SLC37A1: variants seen among roughly 807,000 people sequenced by gnomAD.
SLC37A1 encodes glucose-6-phosphate exchanger SLC37A1.
SLC37A1 carries 49 observed loss-of-function variants against 75.3 expected under a neutral mutation model. The ratio of observed to expected loss-of-function variants is 0.65; its 90% CI spans 0.52 to 0.83. The LOEUF (loss-of-function observed/expected upper bound fraction) is 0.83. Among genes scored for constraint, SLC37A1 ranks in the 40% least tolerant of loss-of-function variants. The pLI is 0.00. For synonymous variants in SLC37A1, 268 were observed against 292.1 expected, an observed-to-expected ratio of 0.92 and a Z score of 0.84; for missense variants, 566 against 695.0, an observed-to-expected ratio of 0.81 and a Z score of 2.09.
intron 2 of SLC37A1, among the ~76,000 whole-genome samples, chr21:42,523,641 T>C (rs1021735444): frequency 1.3e-5 from 2 of 152,266 alleles, no homozygotes; most frequent in African/African-American, 4.8e-5. Context: ...GGATAAATGA[T>C]AGGCTCGCCT....
rs973805514 is a variant in SLC37A1 at position 42,547,767 on chromosome 21, C to G, written c.768+627C>G. On this transcript the variant is annotated intron_variant, in intron 9 of 19. Coordinates refer to ENST00000352133, the MANE Select transcript of SLC37A1 (RefSeq NM_001320537.2). The surrounding 1 kb of genome is among the most constrained non-coding windows in gnomAD (Gnocchi z 6.1). Reference sequence around the variant, plus strand: ...GCTTGACTCCCGCAGACACACCCCCCGCCCCAAATACCATTCCTGGCACAC... The same window carrying G: ...GCTTGACTCCCGCAGACACACCCCCGGCCCCAAATACCATTCCTGGCACAC... 2 of 153,186 alleles carry G rather than the reference C, an allele frequency of 1.3e-5. No homozygotes were observed. Among genetic ancestry groups the G allele is most frequent in the Non-Finnish European group, 1.5e-5 (1 of 68,780 alleles). 9.5% of individuals were successfully genotyped at this position (153,186 alleles called of 1,614,324 possible).
At chr21:42,530,572 G>A (rs924991690) in intron 3 of SLC37A1, among the ~76,000 whole-genome samples, 1 of 149,078 alleles carries the variant, frequency 6.7e-6, no homozygotes, top group African/African-American at 2.5e-5. Flanking sequence ...AAGTTGACTA[G>A]ACAGATCGTC....
chr21:42,543,559 C>T lies in SLC37A1; in HGVS notation c.687C>T (p.Ile229=), dbSNP rs1317641006. 1 of 1,613,164 alleles carries T rather than the reference C, an allele frequency of 6.2e-7. No homozygotes were observed. Among genetic ancestry groups the T allele is most frequent in the East Asian group, 2.2e-5 (1 of 44,836 alleles). Residue 229 remains isoleucine, a synonymous_variant, in exon 8 of 20, where the codon ATC becomes ATT. Transcript: ENST00000352133. The stretch of plus-strand genomic sequence containing the variant: ...TGTCCTTCGTCGTGCCTGGAGCCAT[C>T]GTGGCAGCCATGGGGATAGTGTGCT... The part of the protein sequence containing the change: ...WGLSFVVPGA[I]VAAMGIVCFL...
chr21:42,518,555 G>T (rs2054567920), intron 2 of SLC37A1, 45 bp downstream of exon 2: 6 of 1,606,136 alleles, frequency 3.7e-6, no homozygotes, highest in Middle Eastern at 1.7e-4. Context: ...CTGTGTATAG[G>T]TGAGGGCTAC....
chr21:42,552,596 G>A lies in SLC37A1; in HGVS notation c.769-1466G>A, dbSNP rs1008056789. Among the ~76,000 whole-genome samples the A allele has an allele frequency of 6.6e-6, 1 of 152,238 alleles. No individual in the cohort carries two copies. Among genetic ancestry groups the A allele is most frequent in the African/African-American group, 2.4e-5 (1 of 41,462 alleles). ...ATGAGTGAATGAATGATTGGTCAGTGGCTGCTGGAGCTCCAGCCATTACAT... is the reference window on the plus strand; with the variant it reads ...ATGAGTGAATGAATGATTGGTCAGTAGCTGCTGGAGCTCCAGCCATTACAT... On this transcript the variant is annotated intron_variant, in intron 9 of 19. Coordinates refer to ENST00000352133, the MANE Select transcript of SLC37A1 (RefSeq NM_001320537.2). The surrounding 1 kb of genome is among the most constrained non-coding windows in gnomAD (Gnocchi z 4.2).
chr21:42,534,945 C>T (rs1569001891), intron 4 of SLC37A1, 115 bp downstream of exon 4: 3 of 1,367,380 alleles, frequency 2.2e-6, no homozygotes, highest in South Asian at 1.5e-5. Flanking sequence ...TCCATGACAG[C>T]CCTCTCCTAC....
At position 42,580,656 on chromosome 21, in the gene SLC37A1, C is replaced by G. The variant is rs888534435; in HGVS notation, c.*296C>G. 81 of 410,352 alleles carry G rather than the reference C, an allele frequency of 2.0e-4. No homozygotes were observed. The highest frequency in any genetic ancestry group is 1.5e-3 in the African/African-American group (72 of 46,692). 25.4% of individuals were successfully genotyped at this position (410,352 alleles called of 1,614,324 possible). On this transcript the variant is annotated 3_prime_UTR_variant, in exon 20 of 20. Coordinates refer to ENST00000352133, the MANE Select transcript of SLC37A1 (RefSeq NM_001320537.2). ...GTGTGCCCATGCAGCCACCCAAATG[C>G]ACGCGTGACAACAAGGCCGGGAGGG...
intron 12 of SLC37A1, among the ~76,000 whole-genome samples, chr21:42,562,702 A>C (rs544613612): frequency 1.6e-4 from 25 of 152,248 alleles, no homozygotes; most frequent in African/African-American, 6.0e-4. Context: ...GTGTGAACAC[A>C]GGACAGACAA....
chr21:42,506,913 C>A (rs1056601546), intron 2 of SLC37A1, among the ~76,000 whole-genome samples: 1 of 152,092 alleles, frequency 6.6e-6, no homozygotes, highest in Non-Finnish European at 1.5e-5. Context: ...GACAGACTCT[C>A]ACTCTGTCAC....
Position 42,542,579 on chromosome 21 carries a change from C to T in SLC37A1, c.563+99C>T, listed in dbSNP as rs1357769765. ...GATTACAGCAAAAACACTTTAGTATCCTCTTTAAAATAAGATGGCTGAAAC... is the reference window on the plus strand; with the variant it reads ...GATTACAGCAAAAACACTTTAGTATTCTCTTTAAAATAAGATGGCTGAAAC... On this transcript the variant is annotated intron_variant, in intron 7 of 19. Transcript: ENST00000352133. The T allele has an allele frequency of 1.4e-5, 16 of 1,167,688 alleles. No homozygotes were observed. The South Asian group carries it at 2.1e-4, about 15-fold the overall frequency. The allele number at this position is 1,167,688 out of a possible 1,614,324, so 72.3% of individuals were successfully genotyped here.
At chr21:42,559,771 G>A (rs1265325856) in intron 11 of SLC37A1, among the ~76,000 whole-genome samples, 2 of 152,074 alleles carry the variant, frequency 1.3e-5, no homozygotes, top group East Asian at 1.9e-4. Context: ...AGCTACTCAG[G>A]AGGCTGAGGC....
At chr21:42,570,522 G>A (rs185117404) in intron 17 of SLC37A1, among the ~76,000 whole-genome samples, 52 of 152,296 alleles carry the variant, frequency 3.4e-4, no homozygotes, top group African/African-American at 1.1e-3. Flanking sequence ...GGGGGACTGC[G>A]GGGCTGAGCT....
intron 18 of SLC37A1, 102 bp downstream of exon 18, chr21:42,575,017 G>C: frequency 1.9e-6 from 3 of 1,538,540 alleles, no homozygotes; most frequent in South Asian, 1.2e-5. Context: ...TGAGTTATCA[G>C]AGAGGTTTGG....
chr21:42,512,888 G>A (rs1274030948), upstream of SLC37A1, among the ~76,000 whole-genome samples: 11 of 152,266 alleles, frequency 7.2e-5, no homozygotes, highest in Non-Finnish European at 1.3e-4. Flanking sequence ...GCAGGGCAGG[G>A]GAGCCAAACA....
At chr21:42,520,495 A>T (rs984340911) in intron 2 of SLC37A1, among the ~76,000 whole-genome samples, 1 of 152,240 alleles carries the variant, frequency 6.6e-6, no homozygotes, top group Non-Finnish European at 1.5e-5. Flanking sequence ...TCCCATAGAA[A>T]TGAGGCAGCT....
intron 2 of SLC37A1, among the ~76,000 whole-genome samples, chr21:42,507,165 G>A (rs184538820): frequency 5.1e-4 from 78 of 152,246 alleles, no homozygotes; most frequent in Non-Finnish European, 1.6e-4. Flanking sequence ...TTACAGTCAT[G>A]AGCCACCACA....
rs71190427 is a variant in SLC37A1 at position 42,530,595 on chromosome 21, T to TACACACACACAC, written c.139-4054_139-4043dup. ...TAGACAGATCGTCAAATGCAGATGA[T>TACACACACACAC]ACACACACACACACACACACACACA... is the stretch of plus-strand genomic sequence containing the variant. On this transcript the variant is annotated intron_variant, in intron 3 of 19. Coordinates refer to ENST00000352133, the MANE Select transcript of SLC37A1 (RefSeq NM_001320537.2). Among the ~76,000 whole-genome samples, 180 of 103,204 alleles carry TACACACACACAC rather than the reference T, an allele frequency of 1.7e-3. 1 individual carries two copies. Among genetic ancestry groups the TACACACACACAC allele is most frequent in the East Asian group, 5.2e-3 (18 of 3,434 alleles). The allele number at this position is 103,204 out of a possible 152,430, so 67.7% of individuals were successfully genotyped here. A position where few individuals can be genotyped will look rare whatever the true frequency, so the allele number is the denominator to read the frequency against.
chr21:42,503,280 G>T, intron 2 of SLC37A1, among the ~76,000 whole-genome samples: 1 of 133,182 alleles, frequency 7.5e-6, no homozygotes, highest in African/African-American at 2.9e-5. Flanking sequence ...GACAAGGTCT[G>T]GCTCTGTCAT....
At chr21:42,509,150 C>T (rs1269626438), upstream of SLC37A1, 1 of 152,232 alleles carries the variant, frequency 6.6e-6, no homozygotes, top group Non-Finnish European at 1.5e-5. This position sits in a 1 kb window ranked among gnomAD's most constrained non-coding sequence, Gnocchi z 4.2. Context: ...TCTCATTCCC[C>T]TACCATTTTC....
Sources: allele counts gnomAD v4.1 joint callset (sites outside exome capture counted in the v4.1 genomes callset), GRCh38; gene constraint gnomAD v4.1.1; non-coding constraint Gnocchi (gnomAD v3.1); transcripts MANE v1.5; gene names NCBI Gene and HGNC (gene_info 2026-07-23, HGNC 2026-07-21).